Variants in CDH1 observed in about 807,000 individuals in gnomAD.
CDH1 encodes cadherin-1.
Under a neutral mutation model 84.5 loss-of-function variants are expected in CDH1, and 35 were observed. The observed-to-expected ratio is 0.41, with a 90% CI of 0.32 to 0.55. The LOEUF is 0.55. Ranked by LOEUF, CDH1 falls within the 20% of genes least tolerant of loss-of-function variation. The pLI is 0.19. For synonymous variants in CDH1, 417 were observed against 439.0 expected, an observed-to-expected ratio of 0.95 and a Z score of 0.63; for missense variants, 994 against 1,126.6, an observed-to-expected ratio of 0.88 and a Z score of 1.68.
At chr16:68,791,517 T>TG (rs1960207900) in intron 2 of CDH1, among the ~76,000 whole-genome samples, 1 of 151,202 alleles carries the variant, frequency 6.6e-6, no homozygotes, top group African/African-American at 2.4e-5. Context: ...CGACCTCCTG[T>TG]GCTCAGGTGA....
At chr16:68,807,043 T>C (rs1447782368) in intron 3 of CDH1, among the ~76,000 whole-genome samples, 1 of 152,180 alleles carries the variant, frequency 6.6e-6, no homozygotes, top group Non-Finnish European at 1.5e-5. Context: ...AGAGATGGAA[T>C]TTTCCCCTGG....
chr16:68,759,846 G>A (rs998432134), intron 2 of CDH1, among the ~76,000 whole-genome samples: 5 of 151,934 alleles, frequency 3.3e-5, no homozygotes, highest in Non-Finnish European at 7.4e-5. Flanking sequence ...TAGGGGAGCT[G>A]GGAAGGAAAA....
At chr16:68,755,094 T>A (rs1962983161) in intron 2 of CDH1, among the ~76,000 whole-genome samples, 1 of 151,744 alleles carries the variant, frequency 6.6e-6, no homozygotes, top group Admixed American at 6.6e-5. Context: ...AGCCTGGGCA[T>A]GATAGAACCC....
At chr16:68,831,890 C>T (rs1258654695) in intron 15 of CDH1, among the ~76,000 whole-genome samples, 1 of 152,106 alleles carries the variant, frequency 6.6e-6, no homozygotes, top group Non-Finnish European at 1.5e-5. Context: ...CATTCATACT[C>T]ATTTGCAAGT....
chr16:68,767,035 AT>A (rs1025260465), intron 2 of CDH1, among the ~76,000 whole-genome samples: 4 of 151,634 alleles, frequency 2.6e-5, no homozygotes, highest in African/African-American at 9.7e-5. Context: ...CCTAGACCCC[AT>A]TTTTGGATGA....
chr16:68,775,937 G>C (rs1392208459), intron 2 of CDH1, among the ~76,000 whole-genome samples: 3 of 152,148 alleles, frequency 2.0e-5, no homozygotes, highest in African/African-American at 7.2e-5. Flanking sequence ...AAGTTAGGAG[G>C]GAAGATTGTC....
intron 3 of CDH1, among the ~76,000 whole-genome samples, chr16:68,806,521 C>T (rs565943210): frequency 6.6e-6 from 1 of 152,242 alleles, no homozygotes; most frequent in African/African-American, 2.4e-5. Context: ...AAAACCATAA[C>T]TCAGTGTTTT....
At chr16:68,821,673 G>A (rs1188165503) in intron 11 of CDH1, among the ~76,000 whole-genome samples, 1 of 152,140 alleles carries the variant, frequency 6.6e-6, no homozygotes, top group African/African-American at 2.4e-5. Flanking sequence ...GAAACAACAG[G>A]CAGGCAATAG....
At chr16:68,766,216 G>A (rs943788203) in intron 2 of CDH1, among the ~76,000 whole-genome samples, 4 of 152,108 alleles carry the variant, frequency 2.6e-5, no homozygotes, top group East Asian at 1.9e-4. Flanking sequence ...CTGAGATCAC[G>A]CCACTGTGCT....
At chr16:68,794,580 T>C (rs1960304189) in intron 2 of CDH1, among the ~76,000 whole-genome samples, 5 of 151,944 alleles carry the variant, frequency 3.3e-5, no homozygotes, top group Non-Finnish European at 1.5e-5. Flanking sequence ...AGTGTGGTGG[T>C]ACAATCATAG....
chr16:68,824,000 T>TC (rs1415482921), intron 13 of CDH1, among the ~76,000 whole-genome samples: 2 of 146,826 alleles, frequency 1.4e-5, no homozygotes, highest in East Asian at 2.0e-4. Flanking sequence ...TTCTTTTTTT[T>TC]TTTTTTTTTT....
chr16:68,829,129 T>A lies in CDH1; in HGVS notation c.2296-525T>A, dbSNP rs35100554. Among the ~76,000 whole-genome samples the A allele has an allele frequency of 7.3e-3, 1,116 of 152,248 alleles. 50 individuals are homozygous for A. In the East Asian group the frequency reaches 0.12, roughly 17 times the overall value. On this transcript the variant is annotated intron_variant, in intron 14 of 15. Coordinates refer to ENST00000261769, the MANE Select transcript of CDH1 (RefSeq NM_004360.5). ...CTGGTCTCATCTAAGCTCATGAGAATCTGTAGGATGGCTGGGGCTCAGCAG... is the reference window on the plus strand; with the variant it reads ...CTGGTCTCATCTAAGCTCATGAGAAACTGTAGGATGGCTGGGGCTCAGCAG...
chr16:68,737,342 A>ACTCCAGCCCG lies in CDH1; in HGVS notation c.-63_-54dup. ...TGTGAGCTTGCGGAAGTCAGTTCAGACTCCAGCCCGCTCCAGCCCGGCCCG... is the reference window on the plus strand; with the variant it reads ...TGTGAGCTTGCGGAAGTCAGTTCAGACTCCAGCCCGCTCCAGCCCGCTCCAGCCCGGCCCG... On this transcript the variant is annotated 5_prime_UTR_variant, in exon 1 of 16. Coordinates refer to ENST00000261769, the MANE Select transcript of CDH1 (RefSeq NM_004360.5). 16 of 1,302,162 alleles carry ACTCCAGCCCG rather than the reference A, an allele frequency of 1.2e-5. No homozygotes were observed. The highest frequency in any genetic ancestry group is 1.4e-5 in the Non-Finnish European group (13 of 949,552). 80.7% of individuals were successfully genotyped at this position (1,302,162 alleles called of 1,614,324 possible).
chr16:68,775,592 T>C (rs1262451300), intron 2 of CDH1, among the ~76,000 whole-genome samples: 1 of 152,214 alleles, frequency 6.6e-6, no homozygotes, highest in Admixed American at 6.5e-5. Flanking sequence ...TTTAAAAGCA[T>C]GTAGGTTTCA....
intron 15 of CDH1, among the ~76,000 whole-genome samples, chr16:68,830,407 C>A (rs894513211): frequency 6.6e-6 from 1 of 152,084 alleles, no homozygotes; most frequent in African/African-American, 2.4e-5. Context: ...ATTTTAGTTT[C>A]ACTAATGGAA....
intron 13 of CDH1, among the ~76,000 whole-genome samples, chr16:68,825,799 G>T (rs1961305436): frequency 6.8e-6 from 1 of 146,122 alleles, no homozygotes; most frequent in Non-Finnish European, 1.5e-5. Context: ...ATTCTAAAGG[G>T]AATCTTTTTT....
chr16:68,746,436 A>G (rs1962747810), intron 2 of CDH1, among the ~76,000 whole-genome samples: 1 of 152,002 alleles, frequency 6.6e-6, no homozygotes, highest in Admixed American at 6.6e-5. Flanking sequence ...AAATAAATAA[A>G]ATAAATAAGC....
intron 15 of CDH1, among the ~76,000 whole-genome samples, chr16:68,831,534 A>ATTTTTC (rs1961484934): frequency 6.6e-6 from 1 of 150,402 alleles, no homozygotes; most frequent in Admixed American, 6.6e-5. Context: ...TTATTTATTT[A>ATTTTTC]TTTTTATTTT....
chr16:68,792,754 C>G (rs761784407), intron 2 of CDH1, among the ~76,000 whole-genome samples: 41 of 152,212 alleles, frequency 2.7e-4, no homozygotes, highest in Non-Finnish European at 4.9e-4. Context: ...AGCCTTGTTT[C>G]TCCCACTTCA....
Sources: allele counts gnomAD v4.1 joint callset (sites outside exome capture counted in the v4.1 genomes callset), GRCh38; gene constraint gnomAD v4.1.1; transcripts MANE v1.5; gene names NCBI Gene and HGNC (gene_info 2026-07-23, HGNC 2026-07-21).